Variants in HHLA2 observed in about 807,000 individuals in gnomAD.
HHLA2 encodes HHLA2 member of B7 family, also known as HERV-H LTR-associating protein 2.
HHLA2 carries 48 observed loss-of-function variants against 45.9 expected under a neutral mutation model. The ratio of observed to expected loss-of-function variants is 1.05; its 90% CI spans 0.83 to 1.33. The LOEUF (loss-of-function observed/expected upper bound fraction) is 1.33. Among genes scored for constraint, HHLA2 ranks in the 40% most tolerant of loss-of-function variants. HHLA2 has a pLI of 0.00. For missense variants in HHLA2, 462 were observed against 494.3 expected (o/e 0.93, Z 0.62); for synonymous variants, 161 against 173.9 (o/e 0.93, Z 0.59).
At chr3:108,376,830 A>G (rs1285035241) in intron 10 of HHLA2, 2 of 389,840 alleles carry the variant, frequency 5.1e-6, no homozygotes, top group African/African-American at 4.1e-5. Context: ...CATTGTGCAT[A>G]TGAGGGTGAG....
intron 1 of HHLA2, among the ~76,000 whole-genome samples, chr3:108,298,272 A>G (rs1434511355): frequency 6.6e-6 from 1 of 152,190 alleles, no homozygotes; most frequent in Admixed American, 6.5e-5. Flanking sequence ...ACTCTCCTAG[A>G]AAAGAAAATG....
chr3:108,307,695 T>C (rs1269852599), intron 1 of HHLA2, among the ~76,000 whole-genome samples: 2 of 152,122 alleles, frequency 1.3e-5, no homozygotes, highest in African/African-American at 4.8e-5. Flanking sequence ...TAACATTGTA[T>C]ATACATGGTT....
At chr3:108,341,884 T>G (rs927864592) in intron 3 of HHLA2, among the ~76,000 whole-genome samples, 1 of 152,168 alleles carries the variant, frequency 6.6e-6, no homozygotes. Context: ...TCCCCCTACT[T>G]GTTTCCTCAC....
chr3:108,318,966 T>C (rs2081150501), intron 2 of HHLA2, among the ~76,000 whole-genome samples: 1 of 152,214 alleles, frequency 6.6e-6, no homozygotes, highest in Non-Finnish European at 1.5e-5. Context: ...AATAGCTCCA[T>C]TCTCCCCAAA....
At chr3:108,360,056 C>G (rs2081961637) in intron 7 of HHLA2, among the ~76,000 whole-genome samples, 1 of 152,202 alleles carries the variant, frequency 6.6e-6, no homozygotes, top group East Asian at 1.9e-4. Flanking sequence ...CACAGCCTCT[C>G]CAGTAATTTT....
intron 3 of HHLA2, among the ~76,000 whole-genome samples, chr3:108,337,101 G>A (rs746666883): frequency 3.9e-5 from 6 of 152,122 alleles, no homozygotes; most frequent in Non-Finnish European, 7.4e-5. Context: ...ATGCTGGTGT[G>A]TGAACTGTTT....
chr3:108,316,420 T>G (rs924142137), intron 2 of HHLA2, among the ~76,000 whole-genome samples: 2 of 152,238 alleles, frequency 1.3e-5, no homozygotes, highest in Non-Finnish European at 2.9e-5. Context: ...AGCTTTTGTA[T>G]CATTTATGGA....
At chr3:108,355,436 T>A (rs2081872898) in intron 6 of HHLA2, 55 bp downstream of exon 5, 2 of 1,545,806 alleles carry the variant, frequency 1.3e-6, no homozygotes, top group Admixed American at 2.0e-5. Flanking sequence ...TGGGGGGTAA[T>A]GGGGACTGAT....
At chr3:108,335,856 A>T (rs948511820) in intron 3 of HHLA2, among the ~76,000 whole-genome samples, 1 of 152,092 alleles carries the variant, frequency 6.6e-6, no homozygotes, top group East Asian at 1.9e-4. Context: ...TTCCCTCATC[A>T]AAGCAGACCA....
At chr3:108,315,198 G>C (rs758803338) in intron 2 of HHLA2, among the ~76,000 whole-genome samples, 3 of 152,158 alleles carry the variant, frequency 2.0e-5, no homozygotes, top group Non-Finnish European at 4.4e-5. Flanking sequence ...CCTTAGAAGA[G>C]CCTTAAGTTC....
intron 8 of HHLA2, among the ~76,000 whole-genome samples, chr3:108,370,067 G>A (rs1214404150): frequency 2.0e-5 from 3 of 152,226 alleles, no homozygotes; most frequent in South Asian, 4.1e-4. Context: ...CCCCCAGTAG[G>A]GGCGGACTCA....
intron 3 of HHLA2, among the ~76,000 whole-genome samples, chr3:108,342,259 CTTTTTTT>C (rs58477416): frequency 9.3e-6 from 1 of 108,100 alleles, no homozygotes; most frequent in Non-Finnish European, 1.8e-5. Flanking sequence ...TTCTTTCTCT[CTTTTTTT>C]TTTTTTTTTT....
chr3:108,323,257 G>A (rs1208630378), intron 2 of HHLA2, among the ~76,000 whole-genome samples: 1 of 152,102 alleles, frequency 6.6e-6, no homozygotes, highest in East Asian at 1.9e-4. Flanking sequence ...ACAATTTTAA[G>A]TAACTGAAAG....
intron 2 of HHLA2, chr3:108,325,888 A>T: frequency 2.5e-6 from 1 of 402,442 alleles, no homozygotes; most frequent in Non-Finnish European, 4.8e-6. Flanking sequence ...GGCTGGATGA[A>T]GCACTAGCCA....
At chr3:108,370,034 C>CG (rs1309307134) in intron 8 of HHLA2, among the ~76,000 whole-genome samples, 1 of 152,160 alleles carries the variant, frequency 6.6e-6, no homozygotes, top group African/African-American at 2.4e-5. Flanking sequence ...TCCCTGACCC[C>CG]CGAGTGGCCT....
chr3:108,371,667 G>T (rs1335963000), intron 8 of HHLA2, among the ~76,000 whole-genome samples: 1 of 152,098 alleles, frequency 6.6e-6, no homozygotes, highest in African/African-American at 2.4e-5. Flanking sequence ...AAATGCAGGA[G>T]TTGCAATCCT....
intron 1 of HHLA2, among the ~76,000 whole-genome samples, chr3:108,309,785 AT>A (rs1489791492): frequency 6.6e-6 from 1 of 151,876 alleles, no homozygotes; most frequent in African/African-American, 2.4e-5. Flanking sequence ...TAAAATTACT[AT>A]TTTTTCCCCC....
chr3:108,375,613 T>G lies in HHLA2; in HGVS notation c.1109-137T>G, dbSNP rs1044447343. The G allele has an allele frequency of 2.1e-5, 21 of 1,013,536 alleles. No homozygotes were observed. The Admixed American group carries it at 6.7e-4, about 32-fold the overall frequency. 62.8% of individuals were successfully genotyped at this position (1,013,536 alleles called of 1,614,324 possible). A position where few individuals can be genotyped will look rare whatever the true frequency, so the allele number is the denominator to read the frequency against. ...AAGATCAGAGCAGAAATGAAGGAGA[T>G]AGACACACGAAAAACCCTTCAAAGA... On this transcript the variant is annotated intron_variant, in intron 8 of 10. Transcript: ENST00000619531.
At chr3:108,363,582 G>A (rs78814749) in intron 8 of HHLA2, among the ~76,000 whole-genome samples, 290 of 152,242 alleles carry the variant, frequency 1.9e-3, no homozygotes, top group African/African-American at 6.5e-3. Flanking sequence ...GTGATCATTC[G>A]TACTAATAAG....
Sources: gnomAD v4.1 joint callset for allele counts (sites outside exome capture counted in the v4.1 genomes callset) on GRCh38, gnomAD v4.1.1 for gene constraint, MANE v1.5 for transcripts, NCBI Gene and HGNC (gene_info 2026-07-23, HGNC 2026-07-21) for gene names.